VPS13B: variants seen among roughly 807,000 people sequenced by gnomAD.
VPS13B encodes intermembrane lipid transfer protein VPS13B.
In VPS13B, 285 loss-of-function variants were observed where a neutral mutation model predicts 426.4. The observed-to-expected ratio is 0.67, with a 90% CI of 0.61 to 0.74. The LOEUF is 0.74. Ranked by LOEUF, VPS13B falls within the 30% of genes least tolerant of loss-of-function variation. VPS13B has a pLI of 0.00. For synonymous variants in VPS13B, 1,676 were observed against 1,676.4 expected, an observed-to-expected ratio of 1.00 and a Z score of 0.01; for missense variants, 4,537 against 4,782.6, an observed-to-expected ratio of 0.95 and a Z score of 1.51.
chr8:99,252,734 T>C (rs1817563942), intron 17 of VPS13B, among the ~76,000 whole-genome samples: 1 of 152,266 alleles, frequency 6.6e-6, no homozygotes, highest in East Asian at 1.9e-4. Context: ...CAAATTGCTG[T>C]GTCTTTTCAG....
intron 19 of VPS13B, among the ~76,000 whole-genome samples, chr8:99,289,558 C>T (rs1166627418): frequency 6.6e-6 from 1 of 151,990 alleles, no homozygotes; most frequent in Non-Finnish European, 1.5e-5. Context: ...CAGGAAATGT[C>T]AAGAATCTAA....
intron 19 of VPS13B, among the ~76,000 whole-genome samples, chr8:99,334,518 G>C (rs1053120160): frequency 6.6e-6 from 1 of 152,030 alleles, no homozygotes; most frequent in Admixed American, 6.6e-5. Context: ...ATTATTTTGA[G>C]ATACGTCCCA....
At chr8:99,123,647 GA>G (rs1263996111) in intron 8 of VPS13B, among the ~76,000 whole-genome samples, 1 of 152,118 alleles carries the variant, frequency 6.6e-6, no homozygotes, top group Non-Finnish European at 1.5e-5. Flanking sequence ...TAATGACTTG[GA>G]CTAGGGTGAT....
intron 17 of VPS13B, among the ~76,000 whole-genome samples, chr8:99,229,323 A>AT (rs1046550909): frequency 3.9e-5 from 6 of 152,186 alleles, no homozygotes. Flanking sequence ...GGGCTTCTCC[A>AT]TGAGGAGAAT....
intron 19 of VPS13B, among the ~76,000 whole-genome samples, chr8:99,350,033 C>T (rs534469558): frequency 1.7e-4 from 26 of 152,132 alleles, no homozygotes; most frequent in Non-Finnish European, 2.8e-4. Flanking sequence ...TGAGATTATA[C>T]AGTCAGAGGT....
intron 17 of VPS13B, among the ~76,000 whole-genome samples, chr8:99,269,544 A>G (rs1045991636): frequency 1.3e-5 from 2 of 152,212 alleles, no homozygotes; most frequent in Non-Finnish European, 2.9e-5. Flanking sequence ...CAATAACTAC[A>G]GTTATTTTGG....
intron 17 of VPS13B, among the ~76,000 whole-genome samples, chr8:99,237,601 T>G (rs1816708651): frequency 6.6e-6 from 1 of 152,062 alleles, no homozygotes; most frequent in African/African-American, 2.4e-5. Flanking sequence ...TCACGAATGT[T>G]TTTGGATAAT....
At chr8:99,493,290 T>A (rs1820714614) in intron 25 of VPS13B, among the ~76,000 whole-genome samples, 1 of 152,220 alleles carries the variant, frequency 6.6e-6, no homozygotes, top group Admixed American at 6.5e-5. Flanking sequence ...TAGAAGTTTA[T>A]ACTCTCTTTA....
intron 31 of VPS13B, among the ~76,000 whole-genome samples, chr8:99,558,548 A>G (rs1266339676): frequency 3.9e-5 from 6 of 152,006 alleles, no homozygotes; most frequent in East Asian, 1.9e-4. Flanking sequence ...TCCTAATGCT[A>G]TCTCTCCCCC....
intron 8 of VPS13B, among the ~76,000 whole-genome samples, chr8:99,129,763 C>T (rs1038982417): frequency 6.6e-6 from 1 of 151,996 alleles, no homozygotes; most frequent in African/African-American, 2.4e-5. Context: ...TGATATATTT[C>T]TGTTAACTTG....
chr8:99,211,929 G>A (rs1815110137), intron 17 of VPS13B, among the ~76,000 whole-genome samples: 2 of 151,784 alleles, frequency 1.3e-5, no homozygotes, highest in Admixed American at 1.3e-4. Flanking sequence ...GTCTTACTCT[G>A]TCACCCAAAC....
At chr8:99,420,748 C>T (rs3103705) in intron 21 of VPS13B, among the ~76,000 whole-genome samples, 68,930 of 151,902 alleles carry the variant, frequency 0.45, 18,145 homozygotes, top group African/African-American at 0.72. Context: ...AAGAATGTTA[C>T]GTTATACAGA....
chr8:99,471,855 A>T (rs1215582666), intron 24 of VPS13B, among the ~76,000 whole-genome samples: 1 of 152,176 alleles, frequency 6.6e-6, no homozygotes, highest in Non-Finnish European at 1.5e-5. Flanking sequence ...GGCCCTTCAC[A>T]GAGAAAGTTC....
chr8:99,708,726 T>A (rs1832587310), intron 36 of VPS13B, among the ~76,000 whole-genome samples: 1 of 152,102 alleles, frequency 6.6e-6, no homozygotes, highest in South Asian at 2.1e-4. Context: ...ACAGCTTAAA[T>A]GTCAGTGTCC....
chr8:99,613,629 T>C (rs1447812701), intron 33 of VPS13B, among the ~76,000 whole-genome samples: 1 of 152,240 alleles, frequency 6.6e-6, no homozygotes, highest in East Asian at 1.9e-4. Context: ...ATTTCTTCTG[T>C]TGTTCAGTGG....
At position 99,661,393 on chromosome 8, in the gene VPS13B, C is replaced by T; in HGVS notation, c.5948C>T (p.Thr1983Ile). Residue 1983 changes from threonine (T) to isoleucine (I), a missense_variant, in exon 35 of 62, where the codon ACT becomes ATT. Coordinates refer to ENST00000357162, the MANE Select transcript of VPS13B (RefSeq NM_152564.5). ...CTGCCTGAAGCCCTTGATTATTGCA[C>T]TGTTTGGCTACAGACAGTGCCTGGA... Reference protein sequence around the residue: ...KTLPEALDYCTVWLQTVPGEI... With the variant: ...KTLPEALDYCIVWLQTVPGEI... The T allele has an allele frequency of 6.2e-7, 1 of 1,613,758 alleles. No individual in the cohort carries two copies. The highest frequency in any genetic ancestry group is 1.1e-5 in the South Asian group (1 of 91,072).
chr8:99,812,209 G>A (rs1471172412), intron 44 of VPS13B, among the ~76,000 whole-genome samples: 1 of 152,136 alleles, frequency 6.6e-6, no homozygotes, highest in Non-Finnish European at 1.5e-5. Flanking sequence ...AAGCAAAAAT[G>A]TTAAATGTCT....
intron 19 of VPS13B, among the ~76,000 whole-genome samples, chr8:99,317,233 T>C (rs1050467232): frequency 3.9e-5 from 6 of 152,224 alleles, no homozygotes; most frequent in African/African-American, 9.7e-5. Flanking sequence ...ATCTGAACTT[T>C]AGATAAAGTT....
intron 7 of VPS13B, chr8:99,120,386 A>G (rs1397345576): frequency 2.0e-5 from 3 of 151,966 alleles, no homozygotes; most frequent in Admixed American, 2.0e-4. Flanking sequence ...TTTTTTTTCT[A>G]AATTTCATGA....
Sources: gnomAD v4.1 joint callset for allele counts (sites outside exome capture counted in the v4.1 genomes callset) on GRCh38, gnomAD v4.1.1 for gene constraint, MANE v1.5 for transcripts, NCBI Gene and HGNC (gene_info 2026-07-23, HGNC 2026-07-21) for gene names.